Variants in TTC6 observed in about 807,000 individuals in gnomAD.
TTC6 encodes tetratricopeptide repeat protein 6.
Under a neutral mutation model 210.4 loss-of-function variants are expected in TTC6, and 172 were observed. The observed-to-expected ratio is 0.82, with a 90% CI of 0.72 to 0.93. TTC6 has a LOEUF of 0.93. Among genes scored for constraint, TTC6 ranks in the 40% least tolerant of loss-of-function variants. The pLI, the probability that TTC6 is intolerant of heterozygous loss-of-function variation, is 0.00. For missense variants in TTC6, 2,414 were observed against 2,318.1 expected (o/e 1.04, Z -0.85); for synonymous variants, 804 against 819.6 (o/e 0.98, Z 0.32).
chr14:37,801,065 C>G (rs1161123220), intron 20 of TTC6, among the ~76,000 whole-genome samples: 1 of 152,156 alleles, frequency 6.6e-6, no homozygotes, highest in Non-Finnish European at 1.5e-5. Flanking sequence ...CTGCCATGGA[C>G]CAGTGGCTCA....
chr14:37,645,925 AAATT>A (rs900972659), intron 1 of TTC6, among the ~76,000 whole-genome samples: 3 of 152,194 alleles, frequency 2.0e-5, no homozygotes, highest in African/African-American at 7.2e-5. Flanking sequence ...TGCAATGTAA[AAATT>A]AATATAACAC....
intron 14 of TTC6, among the ~76,000 whole-genome samples, chr14:37,762,887 T>C (rs927515391): frequency 5.5e-5 from 8 of 144,810 alleles, no homozygotes; most frequent in Non-Finnish European, 1.1e-4. Flanking sequence ...CTTTTCTTTT[T>C]TTTTTTTTTT....
At chr14:37,659,117 T>A (rs1156834606) in intron 1 of TTC6, among the ~76,000 whole-genome samples, 1 of 152,194 alleles carries the variant, frequency 6.6e-6, no homozygotes, top group Admixed American at 6.5e-5. Flanking sequence ...TCTTATTATT[T>A]TTTTTTATGG....
intron 3 of TTC6, among the ~76,000 whole-genome samples, chr14:37,686,636 C>T (rs2095794383): frequency 6.6e-6 from 1 of 152,090 alleles, no homozygotes; most frequent in Non-Finnish European, 1.5e-5. Context: ...GGAGACCTCA[C>T]AATCATGGTG....
chr14:37,787,082 C>T (rs911549050), intron 14 of TTC6, among the ~76,000 whole-genome samples: 2 of 152,066 alleles, frequency 1.3e-5, no homozygotes, highest in Admixed American at 6.5e-5. Flanking sequence ...GGCCCATGTT[C>T]TGCAAAATGG....
intron 14 of TTC6, among the ~76,000 whole-genome samples, chr14:37,756,554 G>A (rs1227432406): frequency 6.6e-6 from 1 of 152,196 alleles, no homozygotes; most frequent in East Asian, 1.9e-4. Context: ...TTTCTAGCAT[G>A]AAAGGGTGTT....
chr14:37,687,348 G>C (rs2095795935), intron 3 of TTC6, among the ~76,000 whole-genome samples: 1 of 152,094 alleles, frequency 6.6e-6, no homozygotes, highest in Admixed American at 6.6e-5. Context: ...TAAAAGCCTT[G>C]CCACCACAGG....
At chr14:37,715,118 C>A (rs551098720) in intron 6 of TTC6, among the ~76,000 whole-genome samples, 7 of 151,990 alleles carry the variant, frequency 4.6e-5, no homozygotes, top group Non-Finnish European at 1.0e-4. Context: ...TCCAGTGAGC[C>A]GTGATTGTGC....
At chr14:37,703,402 A>G (rs1182987937) in intron 5 of TTC6, among the ~76,000 whole-genome samples, 1 of 152,158 alleles carries the variant, frequency 6.6e-6, no homozygotes, top group Non-Finnish European at 1.5e-5. Context: ...ATTCTCCAGC[A>G]TCTATCTCTT....
intron 6 of TTC6, among the ~76,000 whole-genome samples, chr14:37,724,666 A>G (rs192415342): frequency 1.3e-5 from 2 of 152,270 alleles, no homozygotes; most frequent in East Asian, 3.9e-4. Context: ...GATATGGCCA[A>G]TTGGCCTCCA....
chr14:37,700,428 A>T (rs890215822), intron 4 of TTC6, among the ~76,000 whole-genome samples: 1 of 152,158 alleles, frequency 6.6e-6, no homozygotes, highest in African/African-American at 2.4e-5. Flanking sequence ...ATTGGATTAC[A>T]GGTGGCACTG....
chr14:37,717,419 A>T (rs2095854478), intron 6 of TTC6, among the ~76,000 whole-genome samples: 1 of 152,100 alleles, frequency 6.6e-6, no homozygotes, highest in Non-Finnish European at 1.5e-5. Flanking sequence ...ACTATGAACA[A>T]CTCTACACAT....
chr14:37,600,551 G>T (rs2095613839), intron 1 of TTC6, among the ~76,000 whole-genome samples: 1 of 152,006 alleles, frequency 6.6e-6, no homozygotes, highest in Non-Finnish European at 1.5e-5. Context: ...TGGTGGTTTA[G>T]CTTTGGCTAT....
intron 18 of TTC6, 66 bp downstream of exon 20, chr14:37,795,418 T>A (rs1462184728): frequency 9.2e-7 from 1 of 1,084,694 alleles, no homozygotes; most frequent in Non-Finnish European, 1.3e-6. Flanking sequence ...ATGGGGATCT[T>A]CAGTTCCCTC....
chr14:37,773,690 T>G (rs2096027984), intron 14 of TTC6, among the ~76,000 whole-genome samples: 3 of 152,216 alleles, frequency 2.0e-5, no homozygotes, highest in African/African-American at 7.2e-5. Flanking sequence ...ATGGGTAATG[T>G]AATGCCTCCA....
chr14:37,796,879 T>A (rs1160803489), exon 20 of TTC6: 1 of 1,611,262 alleles, frequency 6.2e-7, no homozygotes, highest in Non-Finnish European at 8.5e-7. Flanking sequence ...CGGAATCAGC[T>A]GGAATAGAGC....
chr14:37,636,142 A>G (rs1246636047), intron 1 of TTC6, among the ~76,000 whole-genome samples: 1 of 152,182 alleles, frequency 6.6e-6, no homozygotes, highest in Non-Finnish European at 1.5e-5. Context: ...AAAAACTGGA[A>G]GGAGAGATAG....
chr14:37,829,053 AACAAATTCTCCT>A (rs1391099681), intron 29 of TTC6, among the ~76,000 whole-genome samples: 1 of 151,980 alleles, frequency 6.6e-6, no homozygotes, highest in Non-Finnish European at 1.5e-5. Flanking sequence ...TACTCTGTGG[AACAAATTCTCCT>A]TTGTGTGATA....
At chr14:37,614,342 A>G (rs1450632176) in intron 2 of TTC6, among the ~76,000 whole-genome samples, 1 of 152,204 alleles carries the variant, frequency 6.6e-6, no homozygotes, top group Non-Finnish European at 1.5e-5. Flanking sequence ...CATAAAATGC[A>G]GAAACTGTAC....
Sources: allele counts gnomAD v4.1 joint callset (sites outside exome capture counted in the v4.1 genomes callset), GRCh38; gene constraint gnomAD v4.1.1; transcripts MANE v1.5; gene names NCBI Gene and HGNC (gene_info 2026-07-23, HGNC 2026-07-21).